The following PROC variants were observed in gnomAD, a reference collection of about 807,000 sequenced individuals.
The protein encoded by PROC is protein C, inactivator of coagulation factors Va and VIIIa.
Under a neutral mutation model 36.3 loss-of-function variants are expected in PROC, and 22 were observed. The ratio of observed to expected loss-of-function variants is 0.61; its 90% CI spans 0.43 to 0.86. The LOEUF is 0.86. PROC is among the 40% of genes least tolerant of loss of function. The probability of loss-of-function intolerance (pLI) is 0.00; values close to 1 mark genes in which losing one functional copy is unlikely to be tolerated. For missense variants in PROC, 526 were observed against 629.7 expected (o/e 0.84, Z 1.76); for synonymous variants, 218 against 244.5 (o/e 0.89, Z 1.01).
In PROC at chr2:127,426,379, T is replaced by C. The variant is rs1573453820; in HGVS notation, c.678+152T>C. 9.0e-7 allele frequency: 1 copy of C among 1,110,932 alleles called. No individual in the cohort carries two copies. The highest frequency in any genetic ancestry group is 1.3e-6 in the Non-Finnish European group (1 of 791,618). 68.8% of individuals were successfully genotyped at this position (1,110,932 alleles called of 1,614,324 possible). A position where few individuals can be genotyped will look rare whatever the true frequency, so the allele number is the denominator to read the frequency against. On this transcript the variant is annotated intron_variant, in intron 7 of 8. Coordinates refer to ENST00000234071, the MANE Select transcript of PROC (RefSeq NM_000312.4). This position sits in a 1 kb window ranked among gnomAD's most constrained non-coding sequence, Gnocchi z 7.0. ...AGGTGGGGGATGCTTCAGGGAAAGA[T>C]GGACGCAACCTGAGGGGAGAGGAGC...
At chr2:127,425,772 T>G (rs919843842) in intron 6 of PROC, among the ~76,000 whole-genome samples, 1 of 152,006 alleles carries the variant, frequency 6.6e-6, no homozygotes, top group African/African-American at 2.4e-5. Flanking sequence ...ATCTCAGGGA[T>G]TACCCCCAAC....
Position 127,429,020 on chromosome 2 carries a change from G to A in PROC, c.*74G>A, listed in dbSNP as rs1160636134. 2.2e-5 allele frequency: 33 copies of A among 1,528,732 alleles called. No individual in the cohort carries two copies. Among genetic ancestry groups the A allele is most frequent in the South Asian group, 1.1e-4 (10 of 88,760 alleles). 94.7% of individuals were successfully genotyped at this position (1,528,732 alleles called of 1,614,324 possible). On this transcript the variant is annotated 3_prime_UTR_variant, in exon 9 of 9. Transcript: ENST00000234071. ...TAAAGGGACATGTAACAAGCACACCGGCCTGCTGTTCTGTCCTTCCATCCC... is the reference window on the plus strand; with the variant it reads ...TAAAGGGACATGTAACAAGCACACCAGCCTGCTGTTCTGTCCTTCCATCCC...
chr2:127,425,748 GGTTT>G (rs1180267614), intron 6 of PROC, among the ~76,000 whole-genome samples: 1 of 146,834 alleles, frequency 6.8e-6, no homozygotes, highest in African/African-American at 2.6e-5. Flanking sequence ...GACTGGAGGG[GGTTT>G]GTAATTTGTA....
In PROC at chr2:127,423,382, A is replaced by G. The variant is rs1326873114; in HGVS notation, c.509A>G (p.Asp170Gly). ...CSCAPGYKLG[D>G]DLLQCHPAVK... The stretch of plus-strand genomic sequence containing the variant: ...TGTGCGCCTGGCTACAAGCTGGGGG[A>G]CGACCTCCTGCAGTGTCACCCCGCA... Residue 170 changes from aspartate (D) to glycine (G), a missense_variant, in exon 6 of 9, where the codon GAC becomes GGC. Physicochemically the swap from Asp to Gly is moderately conservative, Grantham distance 94. Coordinates refer to ENST00000234071, the MANE Select transcript of PROC (RefSeq NM_000312.4). The G allele has an allele frequency of 1.3e-6, 2 of 1,550,248 alleles. No homozygotes were observed. The highest frequency in any genetic ancestry group is 1.7e-6 in the Non-Finnish European group (2 of 1,147,180).
Position 127,428,375 on chromosome 2 carries a change from G to T in PROC, c.815G>T (p.Arg272Leu). The T allele has an allele frequency of 6.2e-7, 1 of 1,614,018 alleles. No individual in the cohort carries two copies. Among genetic ancestry groups the T allele is most frequent in the Non-Finnish European group, 8.5e-7 (1 of 1,180,030 alleles). ...LVRLGEYDLR[R>L]WEKWELDLDI... Reference sequence around the variant, plus strand: ...CCTGCAGGAGAGTATGACCTGCGGCGCTGGGAGAAGTGGGAGCTGGACCTG... The same window carrying T: ...CCTGCAGGAGAGTATGACCTGCGGCTCTGGGAGAAGTGGGAGCTGGACCTG... The change falls in exon 9 of 9, where the codon CGC (arginine) becomes CTC (leucine). Residue 272 changes from arginine to leucine, a missense_variant. By Grantham distance (102) the Arg-to-Leu change is moderately radical. Coordinates refer to ENST00000234071, the MANE Select transcript of PROC (RefSeq NM_000312.4).
intron 2 of PROC, among the ~76,000 whole-genome samples, 154 bp from the exon 3 acceptor site, chr2:127,421,129 C>T (rs531677728): frequency 2.0e-5 from 3 of 152,278 alleles, no homozygotes; most frequent in South Asian, 4.1e-4. Flanking sequence ...AGGACCCCTG[C>T]GCCAAGCCAT....
At chr2:127,419,101 G>A (rs2069906) in intron 1 of PROC, among the ~76,000 whole-genome samples, 6,750 of 152,236 alleles carry the variant, frequency 0.044, 215 homozygotes, top group East Asian at 0.13. Context: ...GTGTACTGAT[G>A]GTGTGAGACC....
Position 127,421,462 on chromosome 2 carries a change from T to C in PROC, c.237+13T>C. 6.2e-7 allele frequency: 1 copy of C among 1,613,700 alleles called. No homozygotes were observed. The highest frequency in any genetic ancestry group is 8.5e-7 in the Non-Finnish European group (1 of 1,179,890). On this transcript the variant is annotated intron_variant, in intron 3 of 8. Transcript: ENST00000234071. ...TGTGGATGACACAGTAAGGCCACCA[T>C]GGGTCCAGAGGATGAGGCTCAGGGG... is the stretch of plus-strand genomic sequence containing the variant.
rs777486993 is a variant in PROC at position 127,427,141 on chromosome 2, G to A, written c.715G>A (p.Gly239Arg). ...LLDSKKKLAC[G>R]AVLIHPSWVL... ...GGACTCAAAGAAGAAGCTGGCCTGC[G>A]GGGCAGTGCTCATCCACCCCTCCTG... is the stretch of plus-strand genomic sequence containing the variant. Residue 239 changes from glycine (G) to arginine (R), a missense_variant, in exon 8 of 9, where the codon GGG becomes AGG. Coordinates refer to ENST00000234071, the MANE Select transcript of PROC (RefSeq NM_000312.4). The A allele has an allele frequency of 2.5e-6, 4 of 1,613,844 alleles. No individual in the cohort carries two copies. Among genetic ancestry groups the A allele is most frequent in the African/African-American group, 1.3e-5 (1 of 75,060 alleles).
intron 1 of PROC, 113 bp from the exon 2 acceptor site, chr2:127,419,809 C>A: frequency 1.9e-6 from 3 of 1,571,250 alleles, no homozygotes; most frequent in Non-Finnish European, 2.6e-6. Flanking sequence ...ATCCCAGCTT[C>A]CGCCCTGACG....
chr2:127,425,018 G>T (rs1203452666), intron 6 of PROC, among the ~76,000 whole-genome samples: 1 of 152,342 alleles, frequency 6.6e-6, no homozygotes, highest in Admixed American at 6.5e-5. Context: ...CCTTCCTGAA[G>T]CGGGGCCTGA....
chr2:127,425,034 C>G (rs1444818096), intron 6 of PROC, among the ~76,000 whole-genome samples: 1 of 152,208 alleles, frequency 6.6e-6, no homozygotes, highest in East Asian at 1.9e-4. Flanking sequence ...CCTGAAGTCC[C>G]TAGTCAGAGC....
Position 127,426,417 on chromosome 2 carries a change from T to G in PROC, c.678+190T>G, listed in dbSNP as rs1268443701. ...AGGGGAGAGGAGCAGCCAGGGTGGG[T>G]GAGGGGAGGGGCATGGGGGCATGGA... On this transcript the variant is annotated intron_variant, in intron 7 of 8. Coordinates refer to ENST00000234071, the MANE Select transcript of PROC (RefSeq NM_000312.4). This position sits in a 1 kb window ranked among gnomAD's most constrained non-coding sequence, Gnocchi z 7.0. The G allele has an allele frequency of 9.8e-6, 7 of 712,666 alleles. No homozygotes were observed. The highest frequency in any genetic ancestry group is 6.0e-5 in the African/African-American group (3 of 49,840). The allele number at this position is 712,666 out of a possible 1,614,324, so 44.1% of individuals were successfully genotyped here. A position where few individuals can be genotyped will look rare whatever the true frequency, so the allele number is the denominator to read the frequency against.
At position 127,426,265 on chromosome 2, in the gene PROC, G is replaced by C; in HGVS notation, c.678+38G>C. 1.2e-6 allele frequency: 2 copies of C among 1,613,564 alleles called. No individual in the cohort carries two copies. The highest frequency in any genetic ancestry group is 1.7e-6 in the Non-Finnish European group (2 of 1,179,842). On this transcript the variant is annotated intron_variant, in intron 7 of 8. Transcript: ENST00000234071. The surrounding 1 kb of genome is among the most constrained non-coding windows in gnomAD (Gnocchi z 7.0). ...GCAGCACCGGCTGCTCACGTGCTGG[G>C]TCCGGGATCACTGAGTCCATCCTGG...
Position 127,428,720 on chromosome 2 carries a change from G to A in PROC, c.1160G>A (p.Cys387Tyr). The change falls in exon 9 of 9, where the codon TGT becomes TAT. Residue 387 changes from cysteine to tyrosine, a missense_variant. By Grantham distance (194) the Cys-to-Tyr change is radical (BLOSUM62 -2). Coordinates refer to ENST00000234071, the MANE Select transcript of PROC (RefSeq NM_000312.4). Reference protein sequence around the residue: ...MSNMVSENMLCAGILGDRQDA... With the variant: ...MSNMVSENMLYAGILGDRQDA... Reference sequence around the variant, plus strand: ...AACATGGTGTCTGAGAACATGCTGTGTGCGGGCATCCTCGGGGACCGGCAG... The same window carrying A: ...AACATGGTGTCTGAGAACATGCTGTATGCGGGCATCCTCGGGGACCGGCAG... The A allele has an allele frequency of 6.2e-7, 1 of 1,613,718 alleles. No homozygotes were observed. The highest frequency in any genetic ancestry group is 1.3e-5 in the African/African-American group (1 of 75,078).
intron 2 of PROC, among the ~76,000 whole-genome samples, chr2:127,420,839 C>T (rs2069916): frequency 0.28 from 43,282 of 152,106 alleles, 7,745 homozygotes; most frequent in East Asian, 0.52. Flanking sequence ...TGGGGCTGCA[C>T]GTGGTGTACT....
At chr2:127,419,350 C>CAGCAAAG (rs1270530910) in intron 1 of PROC, among the ~76,000 whole-genome samples, 1 of 152,164 alleles carries the variant, frequency 6.6e-6, no homozygotes. Flanking sequence ...ATGTGCAAAG[C>CAGCAAAG]CTGTTTTGAG....
chr2:127,419,698 T>C, intron 1 of PROC: 1 of 1,056,426 alleles, frequency 9.5e-7, no homozygotes, highest in Non-Finnish European at 1.3e-6. Context: ...CTCCACTGCA[T>C]TCTGGAGCTG....
In PROC at chr2:127,423,430, G is replaced by A. The variant is rs372664415; in HGVS notation, c.535+22G>A. ...GCAGGTGAGAAGCCCCCAATACATC[G>A]CCCAGGAATCACGCTGGGTGCAGGG... On this transcript the variant is annotated intron_variant, in intron 6 of 8. Transcript: ENST00000234071. 1.2e-5 allele frequency: 19 copies of A among 1,544,792 alleles called. No homozygotes were observed. In the African/African-American group the frequency reaches 2.2e-4, roughly 18 times the overall value.
Sources: allele counts gnomAD v4.1 joint callset (sites outside exome capture counted in the v4.1 genomes callset), GRCh38; gene constraint gnomAD v4.1.1; non-coding constraint Gnocchi (gnomAD v3.1); transcripts MANE v1.5; gene names NCBI Gene and HGNC (gene_info 2026-07-23, HGNC 2026-07-21).